The following BMPR1B variants were observed in gnomAD, a reference collection of about 807,000 sequenced individuals.
BMPR1B encodes bone morphogenetic protein receptor type-1B.
A neutral mutation model predicts 59.1 loss-of-function variants in BMPR1B; 12 were observed. That is an observed-to-expected ratio of 0.20 (90% confidence interval 0.13 to 0.33). The LOEUF is 0.33. BMPR1B is among the 10% of genes least tolerant of loss of function. The pLI, the probability that BMPR1B is intolerant of heterozygous loss-of-function variation, is 1.00. For missense variants in BMPR1B, 550 were observed against 610.9 expected (o/e 0.90, Z 1.05); for synonymous variants, 237 against 207.3 (o/e 1.14, Z -1.23).
chr4:95,051,667 C>T, intron 3 of BMPR1B: 2 of 1,531,072 alleles, frequency 1.3e-6, no homozygotes, highest in Non-Finnish European at 1.7e-6. Flanking sequence ...GAGGCTTAAA[C>T]AGGCAGGGCA....
chr4:95,046,180 A>T (rs748703429), intron 3 of BMPR1B, among the ~76,000 whole-genome samples: 9 of 152,116 alleles, frequency 5.9e-5, no homozygotes, highest in Non-Finnish European at 1.0e-4. Flanking sequence ...AATAACTGGG[A>T]CTATAGCCAA....
intron 1 of BMPR1B, among the ~76,000 whole-genome samples, chr4:94,802,492 A>T (rs1306810663): frequency 6.6e-6 from 1 of 152,166 alleles, no homozygotes; most frequent in Admixed American, 6.5e-5. Flanking sequence ...GTAAAAATAG[A>T]GAAGGCGTTG....
At chr4:94,859,193 T>C (rs1725884594) in intron 1 of BMPR1B, among the ~76,000 whole-genome samples, 1 of 152,170 alleles carries the variant, frequency 6.6e-6, no homozygotes. Context: ...GGCCACTCTT[T>C]ATGTTAGAAT....
intron 1 of BMPR1B, among the ~76,000 whole-genome samples, chr4:94,767,506 G>A (rs1722014323): frequency 6.6e-6 from 1 of 152,122 alleles, no homozygotes; most frequent in Non-Finnish European, 1.5e-5. Flanking sequence ...TCATTCAAAA[G>A]TCCTTATTCA....
intron 1 of BMPR1B, among the ~76,000 whole-genome samples, chr4:94,849,574 A>C (rs1386791408): frequency 6.6e-6 from 1 of 152,094 alleles, no homozygotes; most frequent in Non-Finnish European, 1.5e-5. Flanking sequence ...GGAATGATCT[A>C]GTAGAGAGAG....
In BMPR1B at chr4:95,030,298, G is replaced by C. The variant is rs1368995802; in HGVS notation, c.-18+34164G>C. On this transcript the variant is annotated intron_variant, in intron 3 of 12. Transcript: ENST00000515059. ...CATCTTGAATTAATTTTTGTATAAGGTGTAAGGAAGGGATCCAGTTTCAGC... is the reference window on the plus strand; with the variant it reads ...CATCTTGAATTAATTTTTGTATAAGCTGTAAGGAAGGGATCCAGTTTCAGC... 3.9e-5 allele frequency among the ~76,000 whole-genome samples: 6 copies of C among 152,126 alleles called. No homozygotes were observed. The East Asian group carries it at 1.2e-3, about 29-fold the overall frequency.
intron 3 of BMPR1B, among the ~76,000 whole-genome samples, chr4:95,022,095 A>G (rs1724030983): frequency 6.6e-6 from 1 of 152,220 alleles, no homozygotes; most frequent in South Asian, 2.1e-4. Context: ...TTAGATGGCG[A>G]GAGGCTTTGT....
At chr4:95,141,494 C>T (rs1734226271) in intron 10 of BMPR1B, among the ~76,000 whole-genome samples, 1 of 152,124 alleles carries the variant, frequency 6.6e-6, no homozygotes, top group Admixed American at 6.6e-5. Flanking sequence ...TGAGAGATTT[C>T]CTGCTCATAT....
intron 3 of BMPR1B, among the ~76,000 whole-genome samples, chr4:95,061,264 A>T (rs1008593335): frequency 4.6e-5 from 7 of 152,010 alleles, no homozygotes; most frequent in African/African-American, 1.7e-4. Context: ...ATATAAAATT[A>T]AAAGAGAGTA....
Position 95,051,677 on chromosome 4 carries a change from A to C in BMPR1B, c.-17-52731A>C, listed in dbSNP as rs770629851. The C allele has an allele frequency of 2.4e-5, 37 of 1,534,948 alleles. 1 individual carries two copies. In the Middle Eastern group the frequency reaches 6.7e-4, roughly 28 times the overall value. ...AACAGGAGGCTTAAACAGGCAGGGC[A>C]CATTGACTGCTCTGCTGCTGCAATG... On this transcript the variant is annotated intron_variant, in intron 3 of 12. Coordinates refer to ENST00000515059, the MANE Select transcript of BMPR1B (RefSeq NM_001203.3).
intron 3 of BMPR1B, among the ~76,000 whole-genome samples, chr4:95,077,080 C>G (rs1050712082): frequency 3.9e-5 from 6 of 152,018 alleles, no homozygotes; most frequent in Non-Finnish European, 7.4e-5. Context: ...GAGAGTATTA[C>G]AGTAACATTG....
intron 2 of BMPR1B, among the ~76,000 whole-genome samples, chr4:94,886,673 C>G (rs1727182297): frequency 6.6e-6 from 1 of 152,128 alleles, no homozygotes; most frequent in South Asian, 2.1e-4. Context: ...AATTTCTATT[C>G]AAAAATATAC....
At chr4:95,005,517 G>A (rs921008386) in intron 3 of BMPR1B, among the ~76,000 whole-genome samples, 2 of 152,084 alleles carry the variant, frequency 1.3e-5, no homozygotes, top group Non-Finnish European at 2.9e-5. Flanking sequence ...CACCCAGCCA[G>A]GAGCCATACA....
chr4:94,955,748 C>A (rs532854977), intron 2 of BMPR1B, among the ~76,000 whole-genome samples: 347 of 152,002 alleles, frequency 2.3e-3, no homozygotes, highest in Middle Eastern at 0.014. Flanking sequence ...CCTGTCTTAG[C>A]CTCCTGAGTA....
chr4:94,981,882 C>T (rs1721107551), intron 2 of BMPR1B, among the ~76,000 whole-genome samples: 1 of 152,176 alleles, frequency 6.6e-6, no homozygotes, highest in Non-Finnish European at 1.5e-5. Flanking sequence ...ACAGCTGTAG[C>T]TGGTGAACTC....
intron 2 of BMPR1B, among the ~76,000 whole-genome samples, chr4:94,887,536 A>G (rs2148986454): frequency 6.6e-6 from 1 of 151,984 alleles, no homozygotes; most frequent in South Asian, 2.1e-4. Flanking sequence ...ACAAATAGAA[A>G]AAGCAGGGAG....
At chr4:94,955,781 C>A (rs12643902) in intron 2 of BMPR1B, among the ~76,000 whole-genome samples, 37,434 of 151,648 alleles carry the variant, frequency 0.25, 4,630 homozygotes, top group South Asian at 0.36. Flanking sequence ...GGTGCACGCC[C>A]CCACACCCGG....
chr4:95,108,830 C>T (rs1731394510), intron 4 of BMPR1B, among the ~76,000 whole-genome samples: 1 of 152,064 alleles, frequency 6.6e-6, no homozygotes, highest in Non-Finnish European at 1.5e-5. Flanking sequence ...TTCCATGTGT[C>T]AATTTGCGTT....
chr4:94,994,969 A>T (rs1217535677), intron 2 of BMPR1B, among the ~76,000 whole-genome samples: 2 of 152,188 alleles, frequency 1.3e-5, no homozygotes, highest in Admixed American at 6.5e-5. Context: ...TATCTGTAAG[A>T]TGAGTAAGTG....
Sources: allele counts gnomAD v4.1 joint callset (sites outside exome capture counted in the v4.1 genomes callset), GRCh38; gene constraint gnomAD v4.1.1; transcripts MANE v1.5; gene names NCBI Gene and HGNC (gene_info 2026-07-23, HGNC 2026-07-21).